The following BCLAF1 variants were observed in gnomAD, a reference collection of about 807,000 sequenced individuals.
BCLAF1 encodes the protein BCL2 associated transcription factor 1.
In BCLAF1, 10 loss-of-function variants were observed where a neutral mutation model predicts 99.5. The observed-to-expected ratio is 0.10, with a 90% confidence interval of 0.06 to 0.17. The LOEUF is 0.17. Ranked by LOEUF, BCLAF1 falls within the 10% of genes least tolerant of loss-of-function variation. The pLI is 1.00. For missense variants in BCLAF1, 636 were observed against 1,105.8 expected (o/e 0.58, Z 6.02); for synonymous variants, 255 against 370.9 (o/e 0.69, Z 3.59).
intron 1 of BCLAF1, among the ~76,000 whole-genome samples, chr6:136,284,001 TG>T (rs1431315831): frequency 6.6e-6 from 1 of 151,844 alleles, no homozygotes; most frequent in African/African-American, 2.4e-5. Flanking sequence ...AAAACTATTC[TG>T]ACCTGGAAAG....
rs1365282636 is a variant in BCLAF1, at chr6:136,259,953, G to A, written c.*1157C>T. Reference sequence around the variant, plus strand: ...ACATTTGAAAAATTATCTACCTGAAGAATAGAACTCTTAAGAGGAAAAAGA... The same window carrying A: ...ACATTTGAAAAATTATCTACCTGAAAAATAGAACTCTTAAGAGGAAAAAGA... On this transcript the variant is annotated 3_prime_UTR_variant, in exon 13 of 13. Transcript: ENST00000531224. 1.3e-5 allele frequency: 2 copies of A among 151,780 alleles called. No individual in the cohort carries two copies. Among genetic ancestry groups the A allele is most frequent in the African/African-American group, 2.4e-5 (1 of 41,346 alleles). 9.4% of individuals were successfully genotyped at this position (151,780 alleles called of 1,614,324 possible).
rs539218018 is a variant in BCLAF1, at chr6:136,279,636, T to C, written c.104+127A>G. On this transcript the variant is annotated intron_variant, in intron 3 of 12. Transcript: ENST00000531224. ...TTCTCGCTTACAATAAGGATAACAA[T>C]AGATCCATTTCACAGGGTTCTTTGA... 37 of 1,001,096 alleles carry C rather than the reference T, an allele frequency of 3.7e-5. 1 individual carries two copies. The South Asian group carries it at 1.1e-3, about 30-fold the overall frequency. 62.0% of individuals were successfully genotyped at this position (1,001,096 alleles called of 1,614,324 possible).
chr6:136,268,398 A>T (rs778090347), intron 9 of BCLAF1, 59 bp from the exon 10 acceptor site: 7 of 1,411,926 alleles, frequency 5.0e-6, no homozygotes, highest in African/African-American at 1.4e-5. Context: ...ACCCTGCTGA[A>T]TCTTACAACA....
intron 10 of BCLAF1, 123 bp downstream of exon 10, chr6:136,268,039 T>C (rs1781963128): frequency 1.0e-6 from 1 of 973,276 alleles, no homozygotes; most frequent in Non-Finnish European, 1.4e-6. Flanking sequence ...GTTTCAATAC[T>C]ATCTCTGACT....
In BCLAF1 at chr6:136,278,711, T is replaced by A. The variant is rs760017371; in HGVS notation, c.170A>T (p.Tyr57Phe). The change falls in exon 4 of 13, where the codon TAT (tyrosine) becomes TTT (phenylalanine). Residue 57 changes from tyrosine to phenylalanine, a missense_variant. By Grantham distance (22) the Tyr-to-Phe change is conservative. This residue lies in a region of BCLAF1 where 81 missense variants were observed against 132.5 expected (regional missense o/e 0.61). Transcript: ENST00000531224. ...RSRDRMYSRD[Y>F]RRDYRNNRGM... The stretch of plus-strand genomic sequence containing the variant: ...TCTATTATTTCTGTAATCGCGACGA[T>A]AATCTCTAGAATACATACGATCTCT... 1.2e-6 allele frequency: 2 copies of A among 1,612,184 alleles called. No homozygotes were observed. Among genetic ancestry groups the A allele is most frequent in the South Asian group, 1.1e-5 (1 of 90,970 alleles).
In BCLAF1 at chr6:136,259,269, TTCCCAC is replaced by T. The variant is rs1343659322; in HGVS notation, c.*1835_*1840del. 3 of 152,072 alleles carry T rather than the reference TTCCCAC, an allele frequency of 2.0e-5. No individual in the cohort carries two copies. Among genetic ancestry groups the T allele is most frequent in the Non-Finnish European group, 4.4e-5 (3 of 67,888 alleles). 9.4% of individuals were successfully genotyped at this position (152,072 alleles called of 1,614,324 possible). ...TGCCCACAGGAATTAAGTAGTTTTA[TTCCCAC>T]TCCCTATTACATAATTTCTCAGATC... On this transcript the variant is annotated 3_prime_UTR_variant, in exon 13 of 13. Coordinates refer to ENST00000531224, the MANE Select transcript of BCLAF1 (RefSeq NM_014739.3).
chr6:136,275,459 A>C (rs2128479704), intron 6 of BCLAF1, 73 bp downstream of exon 6: 2 of 1,343,192 alleles, frequency 1.5e-6, no homozygotes, highest in East Asian at 5.0e-5. Context: ...ATGAATTATT[A>C]AGCATAATTA....
At chr6:136,262,320 T>C (rs945346946) in intron 11 of BCLAF1, among the ~76,000 whole-genome samples, 2 of 152,064 alleles carry the variant, frequency 1.3e-5, no homozygotes, top group African/African-American at 4.8e-5. Flanking sequence ...CCCACAAAAA[T>C]GGGAAATAAA....
Position 136,261,586 on chromosome 6 carries a change from T to G in BCLAF1, c.2545-109A>C, listed in dbSNP as rs1051552018. 10 of 1,136,954 alleles carry G rather than the reference T, an allele frequency of 8.8e-6. No homozygotes were observed. In the African/African-American group the frequency reaches 1.2e-4, roughly 14 times the overall value. The allele number at this position is 1,136,954 out of a possible 1,614,324, so 70.4% of individuals were successfully genotyped here. ...CTTCTGAAGATTGGGTATATGAGAT[T>G]GGTAATATTCTAAAACACAATAAAA... On this transcript the variant is annotated intron_variant, in intron 11 of 12. Transcript: ENST00000531224.
Position 136,271,998 on chromosome 6 carries a change from T to G in BCLAF1, c.2040A>C (p.Gln680His), listed in dbSNP as rs374847823. The G allele has an allele frequency of 3.1e-6, 5 of 1,598,120 alleles. No individual in the cohort carries two copies. The South Asian group carries it at 3.3e-5, about 11-fold the overall frequency. Reference protein sequence around the residue: ...GEERVFKEENQKGDKKLRCDS... With the variant: ...GEERVFKEENHKGDKKLRCDS... ...AAAATTACATTCAAAAACATACCTT[T>G]TGATTTTCTTCTTTAAAAACTCTCT... The change falls in exon 8 of 13, where the codon CAA (glutamine) becomes CAC (histidine). Residue 680 changes from glutamine (Q) to histidine (H), a missense_variant. Transcript: ENST00000531224.
chr6:136,267,895 C>T (rs574104614), intron 10 of BCLAF1, among the ~76,000 whole-genome samples: 13 of 151,974 alleles, frequency 8.6e-5, no homozygotes, highest in African/African-American at 2.6e-4. Flanking sequence ...AGTAACTTTC[C>T]TTGACTCTTG....
chr6:136,284,128 GTGTATATATATATATATA>G lies in BCLAF1; in HGVS notation c.-114-1459_-114-1442del, dbSNP rs1235161078. The stretch of plus-strand genomic sequence containing the variant: ...TATATACATATATATGTGTGTGTGT[GTGTATATATATATATATA>G]TATATATATATATCCAGAGAAGACC... On this transcript the variant is annotated intron_variant, in intron 1 of 12. Transcript: ENST00000531224. Among the ~76,000 whole-genome samples the G allele has an allele frequency of 3.7e-4, 30 of 81,352 alleles. 3 individuals carry two copies. The highest frequency in any genetic ancestry group is 1.2e-3 in the African/African-American group (26 of 22,188). 53.4% of individuals were successfully genotyped at this position (81,352 alleles called of 152,430 possible).
intron 3 of BCLAF1, among the ~76,000 whole-genome samples, chr6:136,279,261 T>C (rs923386506): frequency 1.1e-4 from 16 of 152,178 alleles, no homozygotes; most frequent in African/African-American, 3.9e-4. Context: ...TATTAATTCT[T>C]AATGGTATTA....
intron 6 of BCLAF1, chr6:136,273,555 G>A (rs1782847603): frequency 6.1e-6 from 1 of 163,610 alleles, no homozygotes; most frequent in African/African-American, 2.4e-5. Flanking sequence ...GTAATCATTT[G>A]CAGAAAACAA....
At chr6:136,263,662 C>T (rs547866012) in intron 11 of BCLAF1, among the ~76,000 whole-genome samples, 49 of 152,240 alleles carry the variant, frequency 3.2e-4, no homozygotes, top group African/African-American at 1.1e-3. Context: ...ACAAGGATCA[C>T]GTTTCAAAGG....
intron 4 of BCLAF1, 128 bp downstream of exon 4, chr6:136,277,737 A>T: frequency 8.7e-7 from 1 of 1,143,172 alleles, no homozygotes; most frequent in Non-Finnish European, 1.2e-6. Context: ...GAATTATCTT[A>T]AAATGAAGGA....
intron 2 of BCLAF1, among the ~76,000 whole-genome samples, chr6:136,280,971 G>A (rs184840817): frequency 6.6e-6 from 1 of 152,082 alleles, no homozygotes; most frequent in Non-Finnish European, 1.5e-5. Context: ...CTACAACCAA[G>A]TATTTTTGAA....
At chr6:136,282,135 G>A (rs1193877654) in intron 2 of BCLAF1, among the ~76,000 whole-genome samples, 1 of 152,126 alleles carries the variant, frequency 6.6e-6, no homozygotes, top group Non-Finnish European at 1.5e-5. Context: ...ACTGTAAAAC[G>A]AAGAAAATAA....
chr6:136,274,504 T>C (rs1359810186), intron 6 of BCLAF1, among the ~76,000 whole-genome samples: 2 of 152,030 alleles, frequency 1.3e-5, no homozygotes, highest in African/African-American at 4.8e-5. Context: ...CAAAACTGTC[T>C]TGTTACCGTG....
Sources: allele counts gnomAD v4.1 joint callset (sites outside exome capture counted in the v4.1 genomes callset), GRCh38; gene constraint gnomAD v4.1.1; regional missense constraint gnomAD v4.1.1; transcripts MANE v1.5; gene names NCBI Gene and HGNC (gene_info 2026-07-23, HGNC 2026-07-21).